Variants in TPD52L2 observed in about 807,000 individuals in gnomAD.
TPD52L2 encodes the protein TPD52 like 2.
TPD52L2 carries 19 observed loss-of-function variants against 24.7 expected under a neutral mutation model. The ratio of observed to expected loss-of-function variants is 0.77; its 90% CI spans 0.54 to 1.13. The LOEUF (loss-of-function observed/expected upper bound fraction) is 1.13. Ranked by LOEUF, TPD52L2 falls within the 50% of genes most tolerant of loss-of-function variation. The pLI is 0.00. For synonymous variants in TPD52L2, 104 were observed against 100.2 expected (o/e 1.04, Z -0.23); for missense variants, 236 against 250.4 (o/e 0.94, Z 0.39).
intron 5 of TPD52L2, chr20:63,887,490 C>A (rs2053175240): frequency 1.3e-6 from 2 of 1,532,446 alleles, no homozygotes; most frequent in South Asian, 1.1e-5. Flanking sequence ...CCCATCCCTG[C>A]CAAGTTGGGG....
chr20:63,866,568 TCTC>T (rs1240426085), intron 1 of TPD52L2, among the ~76,000 whole-genome samples: 2 of 151,700 alleles, frequency 1.3e-5, no homozygotes, highest in Admixed American at 6.6e-5. Context: ...TCACTGCCAT[TCTC>T]CTGCTTCAGC....
chr20:63,890,037 G>A lies in TPD52L2; in HGVS notation c.*92G>A, dbSNP rs771373899. 2.1e-5 allele frequency: 33 copies of A among 1,578,394 alleles called. No homozygotes were observed. Among genetic ancestry groups the A allele is most frequent in the Middle Eastern group, 1.7e-4 (1 of 5,934 alleles). On this transcript the variant is annotated 3_prime_UTR_variant, in exon 7 of 7. Transcript: ENST00000346249. ...GTTCAGCGGAGCAGCCAGCCAGGGC[G>A]GATGAGCAGAGCCGGCCCTGAGGAC... is the stretch of plus-strand genomic sequence containing the variant.
At position 63,865,564 on chromosome 20, in the gene TPD52L2, T is replaced by C. The variant is rs923460050; in HGVS notation, c.19+180T>C. 5.9e-5 allele frequency among the ~76,000 whole-genome samples: 9 copies of C among 152,098 alleles called. No individual in the cohort carries two copies. The South Asian group carries it at 1.9e-3, about 32-fold the overall frequency. On this transcript the variant is annotated intron_variant, in intron 1 of 6. Coordinates refer to ENST00000346249, the MANE Select transcript of TPD52L2 (RefSeq NM_003288.4). ...CTTATGATGGTCGTGGTGTGTTTTT[T>C]GCCCGCGGCCCAGACCGCTTCCTGG...
intron 2 of TPD52L2, among the ~76,000 whole-genome samples, chr20:63,870,865 G>T (rs769557265): frequency 1.3e-5 from 2 of 150,488 alleles, no homozygotes; most frequent in Non-Finnish European, 3.0e-5. Context: ...TTACAGGCGC[G>T]TGCCTCCCTG....
In TPD52L2 at chr20:63,888,994, G is replaced by T. The variant is rs966346752; in HGVS notation, c.477-196G>T. ...GACGTCTGGACCTGTCCCTGTGGTT[G>T]TTGGGCATGGCCGACCTCACTTTTG... On this transcript the variant is annotated intron_variant, in intron 5 of 6. Coordinates refer to ENST00000346249, the MANE Select transcript of TPD52L2 (RefSeq NM_003288.4). 1.4e-4 allele frequency: 88 copies of T among 620,014 alleles called. No individual in the cohort carries two copies. In the East Asian group the frequency reaches 2.1e-3, roughly 15 times the overall value. The allele number at this position is 620,014 out of a possible 1,614,324, so 38.4% of individuals were successfully genotyped here. A position where few individuals can be genotyped will look rare whatever the true frequency, so the allele number is the denominator to read the frequency against.
chr20:63,879,705 C>T (rs1384792265), intron 4 of TPD52L2, among the ~76,000 whole-genome samples: 2 of 140,598 alleles, frequency 1.4e-5, no homozygotes, highest in Non-Finnish European at 3.1e-5. Flanking sequence ...TCTTAGGGCA[C>T]AAATGCAGGT....
chr20:63,887,598 G>T, intron 5 of TPD52L2: 1 of 1,613,462 alleles, frequency 6.2e-7, no homozygotes. Flanking sequence ...AAGTATGCCA[G>T]CCATGAGGTA....
At position 63,890,149 on chromosome 20, in the gene TPD52L2, C is replaced by A. The variant is rs573617735; in HGVS notation, c.*204C>A. 3 of 1,190,110 alleles carry A rather than the reference C, an allele frequency of 2.5e-6. No individual in the cohort carries two copies. Among genetic ancestry groups the A allele is most frequent in the African/African-American group, 1.5e-5 (1 of 65,430 alleles). The allele number at this position is 1,190,110 out of a possible 1,614,324, so 73.7% of individuals were successfully genotyped here. A position where few individuals can be genotyped will look rare whatever the true frequency, so the allele number is the denominator to read the frequency against. On this transcript the variant is annotated 3_prime_UTR_variant, in exon 7 of 7. Transcript: ENST00000346249. ...CTTGTACACAGATGTTTTACACTCA[C>A]GTTTGTAGATGAAACAGATCACTGT...
intron 4 of TPD52L2, among the ~76,000 whole-genome samples, chr20:63,876,379 A>G (rs2052677176): frequency 6.6e-6 from 1 of 152,028 alleles, no homozygotes; most frequent in Non-Finnish European, 1.5e-5. Context: ...TGAAATCCTC[A>G]CGATCTGGGA....
At chr20:63,873,142 G>GT (rs2052530873) in intron 2 of TPD52L2, among the ~76,000 whole-genome samples, 1 of 152,020 alleles carries the variant, frequency 6.6e-6, no homozygotes, top group South Asian at 2.1e-4. Context: ...GAACCATTTA[G>GT]TTGTGGGGCA....
chr20:63,886,927 G>GCCA (rs2053149636), intron 5 of TPD52L2: 1 of 158,464 alleles, frequency 6.3e-6, no homozygotes, highest in Non-Finnish European at 1.4e-5. Context: ...ACAGGCGTGA[G>GCCA]CCACTGCGCC....
intron 5 of TPD52L2, chr20:63,888,960 G>T: frequency 1.7e-6 from 1 of 590,384 alleles, no homozygotes; most frequent in Admixed American, 2.9e-5. Flanking sequence ...GTTTCCAGTT[G>T]CCTTGTGTGA....
chr20:63,869,558 C>T (rs1350708641), intron 2 of TPD52L2, 117 bp downstream of exon 2: 2 of 1,309,028 alleles, frequency 1.5e-6, no homozygotes, highest in African/African-American at 2.9e-5. Context: ...GTCACCTACC[C>T]TGCTCTGTGT....
chr20:63,867,723 C>T (rs2052306550), intron 1 of TPD52L2, among the ~76,000 whole-genome samples: 1 of 151,680 alleles, frequency 6.6e-6, no homozygotes, highest in African/African-American at 2.4e-5. Flanking sequence ...TTGTTAAGTG[C>T]ATTTAATCTG....
At chr20:63,873,590 C>T in intron 2 of TPD52L2, 78 bp from the exon 3 acceptor site, 1 of 1,518,874 alleles carries the variant, frequency 6.6e-7, no homozygotes, top group Non-Finnish European at 8.9e-7. Context: ...TCTTGTGTAA[C>T]TCATGGCACT....
intron 6 of TPD52L2, 81 bp downstream of exon 6, chr20:63,889,319 A>G (rs1026951494): frequency 4.1e-6 from 5 of 1,224,296 alleles, no homozygotes; most frequent in Non-Finnish European, 6.0e-6. Context: ...TCATTTAGTT[A>G]TGGTAGACTC....
chr20:63,878,297 G>C (rs971924125), intron 4 of TPD52L2, among the ~76,000 whole-genome samples: 133 of 152,378 alleles, frequency 8.7e-4, no homozygotes, highest in African/African-American at 3.1e-3. Flanking sequence ...CATTCTCAGT[G>C]GGTCATGTCT....
At chr20:63,868,890 G>A (rs1412239817) in intron 1 of TPD52L2, among the ~76,000 whole-genome samples, 1 of 152,142 alleles carries the variant, frequency 6.6e-6, no homozygotes, top group Non-Finnish European at 1.5e-5. Flanking sequence ...GCAGTGAGCT[G>A]AGATCGCACC....
chr20:63,876,477 C>T (rs974338728), intron 4 of TPD52L2, among the ~76,000 whole-genome samples: 1 of 152,106 alleles, frequency 6.6e-6, no homozygotes, highest in Non-Finnish European at 1.5e-5. Context: ...CAGAGTGACT[C>T]CTAATATTTG....
Sources: gnomAD v4.1 joint callset for allele counts (sites outside exome capture counted in the v4.1 genomes callset) on GRCh38, gnomAD v4.1.1 for gene constraint, MANE v1.5 for transcripts, NCBI Gene and HGNC (gene_info 2026-07-23, HGNC 2026-07-21) for gene names.